Variants in DOCK9 observed in about 807,000 individuals in gnomAD.
DOCK9 encodes dedicator of cytokinesis protein 9.
DOCK9 carries 89 observed loss-of-function variants against 263.3 expected under a neutral mutation model. The ratio of observed to expected loss-of-function variants is 0.34; its 90% confidence interval spans 0.28 to 0.40. The LOEUF (loss-of-function observed/expected upper bound fraction) is 0.40. Ranked by LOEUF, DOCK9 falls within the 10% of genes least tolerant of loss-of-function variation. The pLI, the probability that DOCK9 is intolerant of heterozygous loss-of-function variation, is 1.00. For missense variants in DOCK9, 2,140 were observed against 2,603.4 expected (o/e 0.82, Z 3.87); for synonymous variants, 976 against 973.1 (o/e 1.00, Z -0.06).
rs1888110933 is a variant in DOCK9, at chr13:99,038,288, C to CCGCTTTTTTTTTTTTTTTTTT, written c.129+47934_129+47935insAAAAAAAAAAAAAAAAAAGCG. Among the ~76,000 whole-genome samples, 5 of 86,262 alleles carry CCGCTTTTTTTTTTTTTTTTTT rather than the reference C, an allele frequency of 5.8e-5. 2 individuals are homozygous for CCGCTTTTTTTTTTTTTTTTTT. Among genetic ancestry groups the CCGCTTTTTTTTTTTTTTTTTT allele is most frequent in the South Asian group, 7.9e-4 (2 of 2,524 alleles). The allele number at this position is 86,262 out of a possible 152,430, so 56.6% of individuals were successfully genotyped here. On this transcript the variant is annotated intron_variant, in intron 1 of 32. Coordinates refer to the DOCK9 transcript ENST00000427887. ...GCTGAAAAACTGGCTTTATGCCCCCCTTTTTTTTTTTTTTTTTTTTTTTTT... is the reference window on the plus strand; with the variant it reads ...GCTGAAAAACTGGCTTTATGCCCCCCCGCTTTTTTTTTTTTTTTTTTTTTTTTTTTTTTTTTTTTTTTTTTT...
intron 1 of DOCK9, among the ~76,000 whole-genome samples, chr13:98,969,801 A>C (rs1422882229): frequency 6.6e-6 from 1 of 152,246 alleles, no homozygotes; most frequent in Non-Finnish European, 1.5e-5. Context: ...CAGGTGTGAA[A>C]GCACCCCAGG....
intron 29 of DOCK9, 30 bp from the exon 30 acceptor site, chr13:98,867,566 C>T (rs1226773692): frequency 7.7e-7 from 1 of 1,304,604 alleles, no homozygotes; most frequent in Non-Finnish European, 1.1e-6. Flanking sequence ...GTCATAAATA[C>T]CTCACTGGAT....
At chr13:99,027,295 G>A (rs1886857734) in intron 1 of DOCK9, among the ~76,000 whole-genome samples, 1 of 152,142 alleles carries the variant, frequency 6.6e-6, no homozygotes, top group African/African-American at 2.4e-5. Context: ...TGGGATTACA[G>A]GCATGAGCCA....
Position 98,886,583 on chromosome 13 carries a change from G to A in DOCK9, c.2085C>T (p.Ser695=), listed in dbSNP as rs941739290. Residue 695 remains serine (S), a synonymous_variant, in exon 19 of 53, where the codon AGC becomes AGT. Coordinates refer to ENST00000682017, the MANE Select transcript of DOCK9 (RefSeq NM_001366683.2). ...GATGGTGTAAAACTGCAGCAAAGGCGCTTCTTGTGAAAACTGGCCCACCAG... is the reference window on the plus strand; with the variant it reads ...GATGGTGTAAAACTGCAGCAAAGGCACTTCTTGTGAAAACTGGCCCACCAG... ...GRPGGPVFTR[S]AFAAVLHHHQ... 9 of 1,613,808 alleles carry A rather than the reference G, an allele frequency of 5.6e-6. No individual in the cohort carries two copies. Among genetic ancestry groups the A allele is most frequent in the South Asian group, 5.5e-5 (5 of 91,050 alleles).
rs1374258087 is a variant in DOCK9 at position 98,885,695 on chromosome 13, A to G, written c.2260+13T>C. 1.3e-6 allele frequency: 2 copies of G among 1,599,038 alleles called. No individual in the cohort carries two copies. Among genetic ancestry groups the G allele is most frequent in the African/African-American group, 2.7e-5 (2 of 74,080 alleles). On this transcript the variant is annotated intron_variant, in intron 20 of 52. Transcript: ENST00000682017. ...AATTATTTAAAATCAAAGGAATGGTAAGCCCCCCCAACCTTGGGTTTCAAC... is the reference window on the plus strand; with the variant it reads ...AATTATTTAAAATCAAAGGAATGGTGAGCCCCCCCAACCTTGGGTTTCAAC...
At chr13:98,867,014 T>C (rs972714343) in intron 30 of DOCK9, 2 of 404,824 alleles carry the variant, frequency 4.9e-6, no homozygotes, top group Admixed American at 3.8e-5. Flanking sequence ...CATTCTTTAT[T>C]TTTTAGAGGA....
intron 45 of DOCK9, among the ~76,000 whole-genome samples, chr13:98,812,097 T>A (rs772308): frequency 0.37 from 55,821 of 149,786 alleles, 10,890 homozygotes; most frequent in African/African-American, 0.4. Flanking sequence ...TCCATTGATA[T>A]ATGTGCCCAT....
At chr13:98,844,870 G>A (rs1374390379) in intron 38 of DOCK9, among the ~76,000 whole-genome samples, 4 of 152,168 alleles carry the variant, frequency 2.6e-5, no homozygotes, top group South Asian at 2.1e-4. Flanking sequence ...AAATCACAGC[G>A]AATGGAATTT....
At chr13:98,999,038 T>C (rs1286725169) in intron 1 of DOCK9, among the ~76,000 whole-genome samples, 1 of 152,122 alleles carries the variant, frequency 6.6e-6, no homozygotes, top group African/African-American at 2.4e-5. Context: ...AGGAAGTCAA[T>C]GATTTGTATC....
chr13:98,846,868 T>C, intron 37 of DOCK9: 3 of 330,500 alleles, frequency 9.1e-6, no homozygotes, highest in Non-Finnish European at 1.2e-5. Flanking sequence ...TAGTTCAGGA[T>C]CTTTTTCACA....
At chr13:98,961,970 C>T (rs1332464011) in intron 1 of DOCK9, among the ~76,000 whole-genome samples, 2 of 152,226 alleles carry the variant, frequency 1.3e-5, no homozygotes, top group African/African-American at 2.4e-5. Flanking sequence ...TGCCCCCAAA[C>T]TGCATTGCTC....
intron 11 of DOCK9, 139 bp from the exon 12 acceptor site, chr13:98,902,630 C>T (rs1287551595): frequency 3.8e-6 from 3 of 781,808 alleles, no homozygotes; most frequent in African/African-American, 3.5e-5. Context: ...CTTCTGCATA[C>T]AGAGAATTAG....
chr13:99,030,366 A>G (rs1887203917), intron 1 of DOCK9, among the ~76,000 whole-genome samples: 2 of 152,368 alleles, frequency 1.3e-5, no homozygotes, highest in Non-Finnish European at 1.5e-5. Context: ...GTTTCTGTAC[A>G]TATATAATTG....
rs2092665952 is a variant in DOCK9, at chr13:98,829,227, T to C, written c.4965+80A>G. 7.6e-7 allele frequency: 1 copy of C among 1,324,376 alleles called. No homozygotes were observed. Among genetic ancestry groups the C allele is most frequent in the Non-Finnish European group, 1.0e-6 (1 of 967,240 alleles). The allele number at this position is 1,324,376 out of a possible 1,614,324, so 82.0% of individuals were successfully genotyped here. ...GGTTTTTGATTAATGGAATAACTTT[T>C]CTCAAAACTGGCTTTTTAAGTGAAT... On this transcript the variant is annotated intron_variant, in intron 43 of 52. Coordinates refer to ENST00000682017, the MANE Select transcript of DOCK9 (RefSeq NM_001366683.2). This position sits in a 1 kb window ranked among gnomAD's most constrained non-coding sequence, Gnocchi z 4.1.
At chr13:98,867,170 T>A in intron 30 of DOCK9, 1 of 539,950 alleles carries the variant, frequency 1.9e-6, no homozygotes. Context: ...TGAAATAGAT[T>A]CCTTTTCTTT....
intron 1 of DOCK9, among the ~76,000 whole-genome samples, chr13:99,048,211 T>C (rs1265780474): frequency 1.3e-5 from 2 of 152,216 alleles, no homozygotes; most frequent in South Asian, 4.1e-4. Context: ...TTGTTTTGTT[T>C]TGTTTCTGCC....
intron 1 of DOCK9, among the ~76,000 whole-genome samples, chr13:98,973,187 A>G (rs2059909718): frequency 6.6e-6 from 1 of 152,232 alleles, no homozygotes; most frequent in African/African-American, 2.4e-5. Context: ...GGTGCAGGAA[A>G]ACCTATAGGG....
Position 98,800,407 on chromosome 13 carries a change from T to C in DOCK9, c.5797A>G (p.Ile1933Val), listed in dbSNP as rs764497198. The C allele has an allele frequency of 1.2e-6, 2 of 1,613,950 alleles. No individual in the cohort carries two copies. The highest frequency in any genetic ancestry group is 1.1e-5 in the South Asian group (1 of 91,068). The change falls in exon 50 of 53, where the codon ATC becomes GTC. Residue 1933 changes from isoleucine (I) to valine (V), a missense_variant. By Grantham distance (29) the Ile-to-Val change is conservative (BLOSUM62 3). This residue lies in a region of DOCK9 where 619 missense variants were observed against 861.8 expected (regional missense o/e 0.72). Transcript: ENST00000682017. ...MYQHHTDLNP[I>V]EVAIDEMSKK... ...CTCATCTCGTCAATGGCCACCTCGA[T>C]GGGGTTCAGGTCAGTGTGGTGCTGG...
chr13:98,959,840 T>C (rs568686784), intron 1 of DOCK9, among the ~76,000 whole-genome samples: 1 of 152,338 alleles, frequency 6.6e-6, no homozygotes, highest in Admixed American at 6.5e-5. Flanking sequence ...ATCTACCAAA[T>C]TGTGGGTTAA....
Sources: allele counts gnomAD v4.1 joint callset (sites outside exome capture counted in the v4.1 genomes callset), GRCh38; gene constraint gnomAD v4.1.1; regional missense constraint gnomAD v4.1.1; non-coding constraint Gnocchi (gnomAD v3.1); transcripts MANE v1.5; gene names NCBI Gene and HGNC (gene_info 2026-07-23, HGNC 2026-07-21).